ADGRL2: variants seen among roughly 807,000 people sequenced by gnomAD.
ADGRL2 encodes the protein calcium-independent alpha-latrotoxin receptor 2.
ADGRL2 carries 44 observed loss-of-function variants against 157.4 expected under a neutral mutation model. That is an observed-to-expected ratio of 0.28 (90% CI 0.22 to 0.36). ADGRL2 has a LOEUF of 0.36. ADGRL2 is among the 10% of genes least tolerant of loss of function. The pLI is 1.00. For synonymous variants in ADGRL2, 585 were observed against 624.7 expected (o/e 0.94, Z 0.95); for missense variants, 1,510 against 1,768.9 (o/e 0.85, Z 2.63).
At chr1:81,358,861 T>A (rs2075918885) in intron 1 of ADGRL2, among the ~76,000 whole-genome samples, 1 of 151,536 alleles carries the variant, frequency 6.6e-6, no homozygotes, top group African/African-American at 2.4e-5. Context: ...ACAGAAGAAT[T>A]ACCTGGTGGT....
intron 2 of ADGRL2, among the ~76,000 whole-genome samples, chr1:81,484,041 A>G (rs1303415367): frequency 6.6e-6 from 1 of 151,964 alleles, no homozygotes; most frequent in East Asian, 1.9e-4. Context: ...GTAAGTCTTC[A>G]TTATAAAGAG....
chr1:81,943,525 C>T lies in ADGRL2; in HGVS notation c.966C>T (p.Cys322=), dbSNP rs1482824559. 20 of 1,613,694 alleles carry T rather than the reference C, an allele frequency of 1.2e-5. No homozygotes were observed. Among genetic ancestry groups the T allele is most frequent in the East Asian group, 2.2e-5 (1 of 44,866 alleles). The change falls in exon 6 of 24, where the codon TGC becomes TGT. Residue 322 remains cysteine (C), a synonymous_variant. Coordinates refer to ENST00000686636, the MANE Select transcript of ADGRL2 (RefSeq NM_001366006.2). This position sits in a 1 kb window ranked among gnomAD's most constrained non-coding sequence, Gnocchi z 5.6. ...KRAASNAFMI[C]GVLYVVRSVY... is the part of the protein sequence containing the mutation. ...CCGCATCAAATGCTTTTATGATATG[C>T]GGAGTCCTCTATGTGGTTAGGTCAG...
At chr1:81,465,271 C>T (rs1283376427) in intron 2 of ADGRL2, among the ~76,000 whole-genome samples, 1 of 151,920 alleles carries the variant, frequency 6.6e-6, no homozygotes, top group Non-Finnish European at 1.5e-5. Context: ...AAGTTCTGAT[C>T]TTTTTACATT....
intron 2 of ADGRL2, among the ~76,000 whole-genome samples, chr1:81,895,421 G>A (rs6662030): frequency 0.24 from 27,141 of 115,110 alleles, 3,333 homozygotes; most frequent in Middle Eastern, 0.35. Context: ...TTTTTGAGAT[G>A]GAGTTTCACT....
intron 3 of ADGRL2, among the ~76,000 whole-genome samples, chr1:81,608,889 A>G (rs1337936394): frequency 6.6e-6 from 1 of 152,058 alleles, no homozygotes; most frequent in Admixed American, 6.6e-5. Flanking sequence ...ACTATTGAGC[A>G]CCTGGAAAGG....
At chr1:81,804,936 A>T (rs1460131172) in intron 1 of ADGRL2, among the ~76,000 whole-genome samples, 1 of 152,218 alleles carries the variant, frequency 6.6e-6, no homozygotes. Context: ...TCAGCGGAGG[A>T]TGCTGAAAAT....
intron 2 of ADGRL2, among the ~76,000 whole-genome samples, chr1:81,579,806 A>G (rs2148533491): frequency 6.6e-6 from 1 of 152,290 alleles, no homozygotes; most frequent in South Asian, 2.1e-4. Flanking sequence ...TCTTTAAAAA[A>G]AAGTATTTAA....
intron 1 of ADGRL2, among the ~76,000 whole-genome samples, chr1:81,409,632 G>T (rs934690933): frequency 1.3e-5 from 2 of 152,152 alleles, no homozygotes; most frequent in African/African-American, 2.4e-5. Context: ...TCATTTTCTT[G>T]CTTTAAATAA....
At chr1:81,858,748 AT>A (rs2093290733) in intron 2 of ADGRL2, among the ~76,000 whole-genome samples, 1 of 152,202 alleles carries the variant, frequency 6.6e-6, no homozygotes. Context: ...CTGAAAAAAA[AT>A]CATTTGCAAA....
chr1:81,668,091 A>G (rs951119252), intron 3 of ADGRL2, among the ~76,000 whole-genome samples: 1 of 152,176 alleles, frequency 6.6e-6, no homozygotes, highest in Non-Finnish European at 1.5e-5. Context: ...GTAGCACCTA[A>G]TTTATTAGCT....
At chr1:81,514,885 G>C (rs2079146154) in intron 2 of ADGRL2, 1 of 152,166 alleles carries the variant, frequency 6.6e-6, no homozygotes, top group Non-Finnish European at 1.5e-5. Context: ...TGATGACATG[G>C]AGTACAAAGA....
intron 2 of ADGRL2, among the ~76,000 whole-genome samples, chr1:81,528,646 C>CAAAAAAAAAAAAAAAAAAAAAAAAAAAA (rs59842382): frequency 1.7e-5 from 2 of 114,662 alleles, no homozygotes; most frequent in Non-Finnish European, 1.8e-5. Context: ...GACTCCATCT[C>CAAAAAAAAAAAAAAAAAAAAAAAAAAAA]AAAAAAAAAA....
At chr1:81,319,131 G>C (rs1470048070) in intron 1 of ADGRL2, among the ~76,000 whole-genome samples, 2 of 150,186 alleles carry the variant, frequency 1.3e-5, no homozygotes, top group African/African-American at 4.9e-5. Context: ...TTTTTTAGTA[G>C]AGACGGGGTT....
intron 2 of ADGRL2, among the ~76,000 whole-genome samples, chr1:81,504,753 A>T (rs1570311631): frequency 6.6e-6 from 1 of 152,140 alleles, no homozygotes; most frequent in African/African-American, 2.4e-5. Context: ...CCCCACCCCC[A>T]GCTGACCAGG....
At chr1:81,798,785 T>A (rs1243424582), upstream of ADGRL2, among the ~76,000 whole-genome samples, 3 of 152,144 alleles carry the variant, frequency 2.0e-5, no homozygotes, top group African/African-American at 4.8e-5. Flanking sequence ...TGAGCCAACA[T>A]ATGGCCAGCT....
chr1:81,469,297 C>G (rs550364361), intron 2 of ADGRL2, among the ~76,000 whole-genome samples: 1 of 152,264 alleles, frequency 6.6e-6, no homozygotes, highest in East Asian at 1.9e-4. Flanking sequence ...GTGTCCTCTC[C>G]TATACATGGT....
intron 1 of ADGRL2, among the ~76,000 whole-genome samples, chr1:81,729,695 G>A (rs1004971374): frequency 3.3e-5 from 5 of 151,940 alleles, no homozygotes; most frequent in Non-Finnish European, 7.4e-5. Context: ...ACTGATTTCT[G>A]ACAGTTAATC....
intron 1 of ADGRL2, among the ~76,000 whole-genome samples, chr1:81,342,562 C>A (rs530264547): frequency 6.6e-6 from 1 of 152,196 alleles, no homozygotes; most frequent in African/African-American, 2.4e-5. Flanking sequence ...ATAATTTTAA[C>A]CAAGTACCAG....
At chr1:81,553,639 C>A (rs540461393) in intron 2 of ADGRL2, among the ~76,000 whole-genome samples, 19 of 152,172 alleles carry the variant, frequency 1.2e-4, no homozygotes, top group African/African-American at 3.9e-4. Context: ...TTACATGATT[C>A]TTTCAGCCAA....
Sources: allele counts gnomAD v4.1 joint callset (sites outside exome capture counted in the v4.1 genomes callset), GRCh38; gene constraint gnomAD v4.1.1; non-coding constraint Gnocchi (gnomAD v3.1); transcripts MANE v1.5; gene names NCBI Gene and HGNC (gene_info 2026-07-23, HGNC 2026-07-21).